The following SCIN variants were observed in gnomAD, a reference collection of about 807,000 sequenced individuals.
SCIN encodes scinderin.
In SCIN, 91 loss-of-function variants were observed where a neutral mutation model predicts 91.8. That is an observed-to-expected ratio of 0.99 (90% CI 0.84 to 1.18). The LOEUF (loss-of-function observed/expected upper bound fraction) is 1.18. SCIN is among the 50% of genes most tolerant of loss of function. The pLI is 0.00. For missense variants in SCIN, 1,087 were observed against 863.9 expected, an observed-to-expected ratio of 1.26 and a Z score of -3.24; for synonymous variants, 367 against 312.6, an observed-to-expected ratio of 1.17 and a Z score of -1.84.
At chr7:12,623,711 A>G (rs147762285) in intron 5 of SCIN, among the ~76,000 whole-genome samples, 1 of 152,280 alleles carries the variant, frequency 6.6e-6, no homozygotes, top group African/African-American at 2.4e-5. Flanking sequence ...GAAAGAAACT[A>G]TATTTGCTGC....
chr7:12,579,914 C>G (rs1358788372), intron 2 of SCIN, among the ~76,000 whole-genome samples: 2 of 151,906 alleles, frequency 1.3e-5, no homozygotes, highest in Non-Finnish European at 2.9e-5. Flanking sequence ...AACTCTGTCT[C>G]AAAACAGGAG....
chr7:12,592,007 A>G (rs1782734020), intron 3 of SCIN, among the ~76,000 whole-genome samples: 1 of 152,150 alleles, frequency 6.6e-6, no homozygotes, highest in African/African-American at 2.4e-5. Context: ...ACTGGGAGAC[A>G]GGTTTAAGGA....
Position 12,629,187 on chromosome 7 carries a change from C to G in SCIN, c.1284C>G (p.Leu428=), listed in dbSNP as rs1447520383. 4 of 1,612,744 alleles carry G rather than the reference C, an allele frequency of 2.5e-6. No homozygotes were observed. The highest frequency in any genetic ancestry group is 3.4e-6 in the Non-Finnish European group (4 of 1,179,428). ...EFYGGDCYII[L]YTYPRGQIIY... ...ATGGTGGTGACTGCTACATCATACT[C>G]TACACCTATCCCAGAGGACAGATTA... The change falls in exon 9 of 16, where the codon CTC becomes CTG. Residue 428 remains leucine, a synonymous_variant. Transcript: ENST00000297029.
In SCIN at chr7:12,656,591, A is replaced by C. The variant is rs948133691; in HGVS notation, c.*3876A>C. 6.6e-6 allele frequency: 1 copy of C among 152,172 alleles called. No homozygotes were observed. The highest frequency in any genetic ancestry group is 1.5e-5 in the Non-Finnish European group (1 of 68,032). 9.4% of individuals were successfully genotyped at this position (152,172 alleles called of 1,614,324 possible). A position where few individuals can be genotyped will look rare whatever the true frequency, so the allele number is the denominator to read the frequency against. On this transcript the variant is annotated 3_prime_UTR_variant, in exon 16 of 16. Transcript: ENST00000297029. ...CAACTCAGAGAAAAAACTGGCTTATAAATGCACTTCACAAAAACTGTTAGA... is the reference window on the plus strand; with the variant it reads ...CAACTCAGAGAAAAAACTGGCTTATCAATGCACTTCACAAAAACTGTTAGA...
intron 13 of SCIN, among the ~76,000 whole-genome samples, chr7:12,646,248 C>A (rs1220418049): frequency 6.6e-6 from 1 of 152,096 alleles, no homozygotes; most frequent in Non-Finnish European, 1.5e-5. Context: ...TGGTTTAAAC[C>A]ACAAACATTT....
At chr7:12,631,058 G>A (rs1783632598) in intron 9 of SCIN, among the ~76,000 whole-genome samples, 1 of 152,098 alleles carries the variant, frequency 6.6e-6, no homozygotes, top group South Asian at 2.1e-4. Flanking sequence ...AAAAGACTAA[G>A]CAAGTAATGC....
intron 10 of SCIN, 55 bp from the exon 11 acceptor site, chr7:12,640,292 C>T: frequency 7.1e-7 from 1 of 1,404,920 alleles, no homozygotes; most frequent in Non-Finnish European, 9.4e-7. Context: ...GAACTAAAAC[C>T]TTCTTTCACA....
chr7:12,609,503 G>A (rs989539709), intron 4 of SCIN, among the ~76,000 whole-genome samples: 1 of 151,208 alleles, frequency 6.6e-6, no homozygotes, highest in Non-Finnish European at 1.5e-5. Flanking sequence ...ACATTAGGAG[G>A]AAAGCAAAAA....
At chr7:12,625,197 A>G in intron 6 of SCIN, 55 bp downstream of exon 6, 15 of 1,388,362 alleles carry the variant, frequency 1.1e-5, no homozygotes, top group Non-Finnish European at 1.4e-5. Flanking sequence ...TTTCCTCTAT[A>G]AGGGTAAATA....
chr7:12,605,903 C>A (rs1435735545), intron 4 of SCIN, among the ~76,000 whole-genome samples: 1 of 152,068 alleles, frequency 6.6e-6, no homozygotes, highest in Non-Finnish European at 1.5e-5. Flanking sequence ...GCTCTATAGA[C>A]CCTGCATCAT....
At chr7:12,611,829 T>A (rs917382297) in intron 4 of SCIN, among the ~76,000 whole-genome samples, 6 of 152,112 alleles carry the variant, frequency 3.9e-5, no homozygotes, top group Non-Finnish European at 7.4e-5. Context: ...GGAGGATTGC[T>A]TGAGTCCAGG....
intron 14 of SCIN, 100 bp downstream of exon 14, chr7:12,649,644 G>A: frequency 1.3e-5 from 9 of 698,016 alleles, no homozygotes; most frequent in South Asian, 2.1e-5. Context: ...AATGAGCCTA[G>A]AGATTTAGGC....
intron 13 of SCIN, among the ~76,000 whole-genome samples, chr7:12,645,748 G>C (rs1303598527): frequency 1.3e-5 from 2 of 152,040 alleles, no homozygotes; most frequent in East Asian, 3.9e-4. Flanking sequence ...TGCAGTATTT[G>C]GTTTTCTGTT....
At chr7:12,647,563 G>C (rs954697816) in intron 13 of SCIN, among the ~76,000 whole-genome samples, 1 of 152,144 alleles carries the variant, frequency 6.6e-6, no homozygotes, top group African/African-American at 2.4e-5. Context: ...GGTAATCTTA[G>C]TACCTACTTC....
At chr7:12,652,537 T>G in intron 15 of SCIN, 51 bp from the exon 16 acceptor site, 2 of 1,559,078 alleles carry the variant, frequency 1.3e-6, no homozygotes, top group Non-Finnish European at 1.7e-6. Context: ...TGCAGTTACT[T>G]TAGTTTAACC....
chr7:12,652,611 C>G lies in SCIN; in HGVS notation c.2044C>G (p.Pro682Ala), dbSNP rs1315227431. Residue 682 changes from proline to alanine, a missense_variant, in exon 16 of 16, where the codon CCT (proline) becomes GCT (alanine). By Grantham distance (27) the Pro-to-Ala change is conservative. Transcript: ENST00000297029. Reference protein sequence around the residue: ...KSAKMYLETDPSGRDKRTPIV... With the variant: ...KSAKMYLETDASGRDKRTPIV... ...AGCCAAAATGTACCTTGAGACAGAC[C>G]CTTCTGGAAGAGACAAGAGGACACC... The G allele has an allele frequency of 1.2e-6, 2 of 1,612,650 alleles. No individual in the cohort carries two copies. The highest frequency in any genetic ancestry group is 2.2e-5 in the South Asian group (2 of 90,918).
rs758107517 is a variant in SCIN at position 12,659,636 on chromosome 7, G to A, written c.*6921G>A. 1 of 152,656 alleles carries A rather than the reference G, an allele frequency of 6.6e-6. No individual in the cohort carries two copies. The highest frequency in any genetic ancestry group is 2.4e-5 in the African/African-American group (1 of 41,424). 9.5% of individuals were successfully genotyped at this position (152,656 alleles called of 1,614,324 possible). A position where few individuals can be genotyped will look rare whatever the true frequency, so the allele number is the denominator to read the frequency against. On this transcript the variant is annotated 3_prime_UTR_variant, in exon 16 of 16. Coordinates refer to ENST00000297029, the MANE Select transcript of SCIN (RefSeq NM_001112706.3). ...ATTTAACCCAGAGACAGATATCACA[G>A]GTAAACAGTGCAAATCACTGTCCCT...
At chr7:12,608,397 C>T (rs849783) in intron 4 of SCIN, among the ~76,000 whole-genome samples, 143,623 of 152,140 alleles carry the variant, frequency 0.94, 67,859 homozygotes, top group East Asian at 1. Context: ...TTTCTGAGAC[C>T]CTGGTGCAAC....
intron 4 of SCIN, among the ~76,000 whole-genome samples, chr7:12,621,013 C>T (rs764825705): frequency 1.3e-5 from 2 of 152,072 alleles, no homozygotes; most frequent in South Asian, 2.1e-4. Context: ...AAATGCCAAT[C>T]GCGTGGGCAA....
Sources: gnomAD v4.1 joint callset for allele counts (sites outside exome capture counted in the v4.1 genomes callset) on GRCh38, gnomAD v4.1.1 for gene constraint, MANE v1.5 for transcripts, NCBI Gene and HGNC (gene_info 2026-07-23, HGNC 2026-07-21) for gene names.